Variants in EPHA3 observed in about 807,000 individuals in gnomAD.
EPHA3 encodes the protein ephrin type-A receptor 3.
A neutral mutation model predicts 107.1 loss-of-function variants in EPHA3; 42 were observed. The observed-to-expected ratio is 0.39, with a 90% CI of 0.31 to 0.51. The LOEUF (loss-of-function observed/expected upper bound fraction) is 0.51, where lower values mean the gene tolerates loss of function less well. Among genes scored for constraint, EPHA3 ranks in the 20% least tolerant of loss-of-function variants. EPHA3 has a pLI of 0.78. For synonymous variants in EPHA3, 461 were observed against 424.8 expected, an observed-to-expected ratio of 1.09 and a Z score of -1.05; for missense variants, 1,183 against 1,211.2, an observed-to-expected ratio of 0.98 and a Z score of 0.35.
intron 3 of EPHA3, among the ~76,000 whole-genome samples, chr3:89,264,957 T>G (rs1207441690): frequency 2.6e-5 from 4 of 152,178 alleles, no homozygotes; most frequent in African/African-American, 7.2e-5. Context: ...TGAATATATT[T>G]ATAGGGGATA....
At chr3:89,291,358 G>A (rs1706202816) in intron 3 of EPHA3, among the ~76,000 whole-genome samples, 1 of 152,090 alleles carries the variant, frequency 6.6e-6, no homozygotes, top group Non-Finnish European at 1.5e-5. Flanking sequence ...AGAGAAAAAT[G>A]AGTGTGTACT....
intron 3 of EPHA3, among the ~76,000 whole-genome samples, chr3:89,247,437 T>C (rs1216752974): frequency 6.6e-6 from 1 of 152,108 alleles, no homozygotes; most frequent in Non-Finnish European, 1.5e-5. Flanking sequence ...TGCTGAAACA[T>C]AAATTGTGAG....
chr3:89,313,017 G>A (rs557822993), intron 3 of EPHA3, among the ~76,000 whole-genome samples: 3 of 152,006 alleles, frequency 2.0e-5, no homozygotes, highest in South Asian at 4.2e-4. Flanking sequence ...CCGGGTCTTT[G>A]CTATTGTGAA....
At chr3:89,266,697 G>C (rs1705546066) in intron 3 of EPHA3, among the ~76,000 whole-genome samples, 1 of 151,660 alleles carries the variant, frequency 6.6e-6, no homozygotes, top group Admixed American at 6.6e-5. Flanking sequence ...ATATTTTTAT[G>C]TTCTCCTTTG....
Position 89,220,562 on chromosome 3 carries a change from G to C in EPHA3, c.814+10042G>C, listed in dbSNP as rs574604918. ...TAGTCTAAGAACTCAGAATGCGAATGGAGTAATAAAAGAGATATCAAATAT... is the reference window on the plus strand; with the variant it reads ...TAGTCTAAGAACTCAGAATGCGAATCGAGTAATAAAAGAGATATCAAATAT... On this transcript the variant is annotated intron_variant, in intron 3 of 16. Coordinates refer to ENST00000336596, the MANE Select transcript of EPHA3 (RefSeq NM_005233.6). Among the ~76,000 whole-genome samples, 4 of 152,170 alleles carry C rather than the reference G, an allele frequency of 2.6e-5. No individual in the cohort carries two copies. The East Asian group carries it at 7.7e-4, about 29-fold the overall frequency.
chr3:89,342,305 A>G (rs1164231610), intron 5 of EPHA3, among the ~76,000 whole-genome samples: 1 of 152,118 alleles, frequency 6.6e-6, no homozygotes, highest in Non-Finnish European at 1.5e-5. Flanking sequence ...ACTAGTTTAT[A>G]CCCATTGTTT....
At chr3:89,282,625 G>A (rs1210305850) in intron 3 of EPHA3, among the ~76,000 whole-genome samples, 6 of 151,716 alleles carry the variant, frequency 4.0e-5, no homozygotes, top group African/African-American at 9.7e-5. Context: ...GTTTTCCCCC[G>A]TATTTTTATT....
At chr3:89,381,922 C>G (rs1421131479) in intron 5 of EPHA3, among the ~76,000 whole-genome samples, 2 of 152,096 alleles carry the variant, frequency 1.3e-5, no homozygotes, top group African/African-American at 4.8e-5. Context: ...TAAGAAACAT[C>G]CATTGTTTAT....
At chr3:89,202,033 G>T (rs1199214435) in intron 2 of EPHA3, among the ~76,000 whole-genome samples, 3 of 152,084 alleles carry the variant, frequency 2.0e-5, no homozygotes, top group African/African-American at 7.2e-5. Context: ...ACTTACAGAA[G>T]TTCCAATAAT....
chr3:89,158,066 C>T (rs900533164), intron 2 of EPHA3, among the ~76,000 whole-genome samples: 2 of 152,004 alleles, frequency 1.3e-5, no homozygotes, highest in African/African-American at 4.8e-5. Flanking sequence ...CTATGTATAC[C>T]ATTGCTTCAC....
chr3:89,153,429 T>C (rs1704730386), intron 2 of EPHA3, among the ~76,000 whole-genome samples: 1 of 151,964 alleles, frequency 6.6e-6, no homozygotes, highest in South Asian at 2.1e-4. Context: ...AAAAAAGTTG[T>C]TTTCCTCTTT....
At chr3:89,211,742 CCTTCTTCTTCTTCTTCTTCTTCTTCTT>C (rs1206791496) in intron 3 of EPHA3, among the ~76,000 whole-genome samples, 5 of 19,538 alleles carry the variant, frequency 2.6e-4, no homozygotes, top group African/African-American at 4.7e-4. Context: ...TTCTTCTTCT[CCTTCTTCTTCTTCTTCTTCTTCTTCTT>C]CTTCTTCTTC....
intron 3 of EPHA3, among the ~76,000 whole-genome samples, chr3:89,262,502 G>T (rs923613120): frequency 1.3e-5 from 2 of 152,200 alleles, no homozygotes; most frequent in Non-Finnish European, 2.9e-5. Context: ...CAGTGTGTGA[G>T]CATTTTCCTG....
chr3:89,376,416 A>G (rs1390519717), intron 5 of EPHA3, among the ~76,000 whole-genome samples: 3 of 151,828 alleles, frequency 2.0e-5, no homozygotes, highest in Admixed American at 2.0e-4. Context: ...GTATGTACAT[A>G]TAAGTATGTC....
intron 3 of EPHA3, among the ~76,000 whole-genome samples, chr3:89,325,239 A>G (rs1215247903): frequency 6.6e-6 from 1 of 152,152 alleles, no homozygotes; most frequent in Non-Finnish European, 1.5e-5. Context: ...AAATCTTCAT[A>G]TCATCTACAT....
intron 2 of EPHA3, among the ~76,000 whole-genome samples, chr3:89,171,887 C>T (rs1425926337): frequency 1.3e-5 from 2 of 152,104 alleles, no homozygotes; most frequent in Non-Finnish European, 2.9e-5. Flanking sequence ...ATAACATTAG[C>T]GGGTCATTGT....
chr3:89,166,413 A>C (rs1705067747), intron 2 of EPHA3, among the ~76,000 whole-genome samples: 1 of 152,170 alleles, frequency 6.6e-6, no homozygotes, highest in Non-Finnish European at 1.5e-5. Context: ...ATGGAGAGGA[A>C]GGGTAGTTAT....
intron 3 of EPHA3, among the ~76,000 whole-genome samples, chr3:89,294,568 C>A (rs1318326085): frequency 6.6e-6 from 1 of 152,064 alleles, no homozygotes; most frequent in Non-Finnish European, 1.5e-5. Flanking sequence ...GATTGCTATC[C>A]TTTCTCAAGC....
chr3:89,417,111 T>C (rs1709264547), intron 10 of EPHA3, among the ~76,000 whole-genome samples: 1 of 151,620 alleles, frequency 6.6e-6, no homozygotes, highest in South Asian at 2.1e-4. Context: ...TCACCTACTG[T>C]GTGTCTGGCA....
Sources: gnomAD v4.1 joint callset for allele counts (sites outside exome capture counted in the v4.1 genomes callset) on GRCh38, gnomAD v4.1.1 for gene constraint, MANE v1.5 for transcripts, NCBI Gene and HGNC (gene_info 2026-07-23, HGNC 2026-07-21) for gene names.